Variants in HYDIN observed in about 807,000 individuals in gnomAD.
HYDIN encodes HYDIN axonemal central pair apparatus protein.
A neutral mutation model predicts 403.9 loss-of-function variants in HYDIN; 132 were observed. That is an observed-to-expected ratio of 0.33 (90% CI 0.28 to 0.38). The LOEUF (loss-of-function observed/expected upper bound fraction) is 0.38. HYDIN is among the 10% of genes least tolerant of loss of function. HYDIN has a pLI of 1.00. For missense variants in HYDIN, 2,827 were observed against 5,009.5 expected, an observed-to-expected ratio of 0.56 and a Z score of 13.15; for synonymous variants, 1,202 against 1,891.7, an observed-to-expected ratio of 0.64 and a Z score of 9.46.
At chr16:70,830,447 C>CTTTTT (rs58272927) in intron 80 of HYDIN, among the ~76,000 whole-genome samples, 14 of 126,392 alleles carry the variant, frequency 1.1e-4, no homozygotes, top group African/African-American at 5.1e-4. Context: ...ATGGTAGACA[C>CTTTTT]TTTTTTTTTT....
At chr16:70,948,085 C>T (rs1322114838) in intron 41 of HYDIN, among the ~76,000 whole-genome samples, 8 of 151,628 alleles carry the variant, frequency 5.3e-5, no homozygotes, top group African/African-American at 1.5e-4. Context: ...ACCAAAACAG[C>T]ATGGTACTGG....
Position 70,981,610 on chromosome 16 carries a change from A to G in HYDIN, c.4333-42T>C, listed in dbSNP as rs757700408. On this transcript the variant is annotated intron_variant, in intron 28 of 85. Transcript: ENST00000393567. ...CCAGAAAAGGGAAAACGAATGTGCT[A>G]CAGTACAGGTTCAACTCATTAAATT... 3 of 1,592,350 alleles carry G rather than the reference A, an allele frequency of 1.9e-6. No individual in the cohort carries two copies. In the East Asian group the frequency reaches 6.7e-5, roughly 36 times the overall value.
At chr16:71,114,145 A>C (rs1380893009) in intron 10 of HYDIN, 4 of 151,974 alleles carry the variant, frequency 2.6e-5, no homozygotes, top group Non-Finnish European at 5.9e-5. Context: ...TCTCCCCTTC[A>C]TAAAAAGTAT....
chr16:71,189,527 G>A (rs933637912), intron 1 of HYDIN, among the ~76,000 whole-genome samples: 2 of 152,076 alleles, frequency 1.3e-5, no homozygotes, highest in Non-Finnish European at 2.9e-5. Flanking sequence ...CAGCACTTTG[G>A]GAGGCCGAGG....
chr16:70,953,297 C>T (rs1205258703), intron 40 of HYDIN, among the ~76,000 whole-genome samples: 25 of 152,122 alleles, frequency 1.6e-4, no homozygotes, highest in East Asian at 1.4e-3. Context: ...GCTGGGACTA[C>T]AGTGGGGAAA....
intron 18 of HYDIN, among the ~76,000 whole-genome samples, chr16:71,057,566 G>A (rs956761600): frequency 9.2e-5 from 14 of 151,870 alleles, no homozygotes; most frequent in Non-Finnish European, 1.8e-4. Flanking sequence ...ATAATTTGAC[G>A]GTAGGCAGAG....
At position 71,186,765 on chromosome 16, in the gene HYDIN, C is replaced by T. The variant is rs113448164; in HGVS notation, c.131G>A (p.Arg44Gln). 4.3e-3 allele frequency: 6,976 copies of T among 1,610,892 alleles called. 28 individuals carry two copies. Among genetic ancestry groups the T allele is most frequent in the Non-Finnish European group, 4.8e-3 (5,616 of 1,178,114 alleles). Residue 44 changes from arginine (R) to glutamine (Q), a missense_variant, in exon 2 of 86, where the codon CGA becomes CAA. By Grantham distance (43) the Arg-to-Gln change is conservative. Transcript: ENST00000393567. ...ATTAATTCCCGGATACATTACCATT[C>T]GGTTTACTTCTTCTTCTGTAACCAC... ...PKVVTEEEVNRMLTPSEFLKE... is the reference protein window; with the variant it reads ...PKVVTEEEVNQMLTPSEFLKE...
In HYDIN at chr16:70,809,803, T is replaced by C. The variant is rs2035346018; in HGVS notation, c.14863A>G (p.Arg4955Gly). 1.2e-6 allele frequency: 2 copies of C among 1,614,006 alleles called. No homozygotes were observed. The highest frequency in any genetic ancestry group is 2.7e-5 in the African/African-American group (2 of 75,056). ...LVKFINYTRQ[R>G]TEYYCRTDCT... ...CTCACCCTGCAGTAGTATTCTGTCC[T>C]CTGCCGTGTGTAATTGATGAACTTC... is the stretch of plus-strand genomic sequence containing the variant. Residue 4955 changes from arginine (R) to glycine (G), a missense_variant, in exon 85 of 86, where the codon AGG becomes GGG. Coordinates refer to ENST00000393567, the MANE Select transcript of HYDIN (RefSeq NM_001270974.2).
intron 45 of HYDIN, among the ~76,000 whole-genome samples, chr16:70,927,934 C>T (rs1247971155): frequency 6.7e-6 from 1 of 148,372 alleles, no homozygotes; most frequent in Non-Finnish European, 1.5e-5. Flanking sequence ...AATTTGTTGC[C>T]AAAGAACCTG....
intron 21 of HYDIN, among the ~76,000 whole-genome samples, chr16:71,022,837 T>C (rs1449014613): frequency 2.7e-5 from 4 of 150,760 alleles, no homozygotes; most frequent in East Asian, 1.9e-4. Context: ...ATTCCAAATA[T>C]GTACATATTT....
In HYDIN at chr16:70,828,354, C is replaced by A; in HGVS notation, c.14188G>T (p.Ala4730Ser). The A allele has an allele frequency of 1.0e-6, 1 of 959,552 alleles. No individual in the cohort carries two copies. 59.4% of individuals were successfully genotyped at this position (959,552 alleles called of 1,614,324 possible). ...ACTTCACGATAGATATTGGCTACAG[C>A]TTTGGGGAGCTCAGAAGTCCCATGC... Reference protein sequence around the residue: ...ALHGTSELPKAVANIYREVPC... With the variant: ...ALHGTSELPKSVANIYREVPC... Residue 4730 changes from alanine to serine, a missense_variant, in exon 82 of 86, where the codon GCT becomes TCT. By Grantham distance (99) the Ala-to-Ser change is moderately conservative. Coordinates refer to ENST00000393567, the MANE Select transcript of HYDIN (RefSeq NM_001270974.2).
intron 23 of HYDIN, among the ~76,000 whole-genome samples, chr16:70,994,680 C>T (rs2079471472): frequency 6.7e-6 from 1 of 149,050 alleles, no homozygotes. Flanking sequence ...CCAGGCAATT[C>T]TAATGGGCAG....
At chr16:70,818,204 T>C (rs2035969546) in intron 84 of HYDIN, 138 bp downstream of exon 84, 7 of 596,694 alleles carry the variant, frequency 1.2e-5, no homozygotes, top group South Asian at 6.0e-5. Flanking sequence ...ATGAGGGTGA[T>C]TGTCCCGTCC....
At chr16:71,086,112 A>AT (rs1479268935) in intron 12 of HYDIN, among the ~76,000 whole-genome samples, 3 of 151,858 alleles carry the variant, frequency 2.0e-5, no homozygotes, top group Non-Finnish European at 4.4e-5. Context: ...TTAAATGGAT[A>AT]TTTTCTACCC....
At chr16:71,218,476 A>C (rs1264631125) in intron 1 of HYDIN, among the ~76,000 whole-genome samples, 2 of 152,198 alleles carry the variant, frequency 1.3e-5, no homozygotes, top group Non-Finnish European at 2.9e-5. Context: ...GGAGGAGGAA[A>C]AGCTATTTGC....
At chr16:71,030,357 C>T (rs1254072922) in intron 19 of HYDIN, among the ~76,000 whole-genome samples, 1 of 151,498 alleles carries the variant, frequency 6.6e-6, no homozygotes, top group East Asian at 1.9e-4. Flanking sequence ...GCTCCCAGCC[C>T]AAACCTTATA....
chr16:71,058,618 TTAA>T (rs1160844795), intron 18 of HYDIN, among the ~76,000 whole-genome samples: 4 of 103,052 alleles, frequency 3.9e-5, no homozygotes, highest in South Asian at 5.8e-4. Context: ...ATAAATAAAA[TTAA>T]AAAAAAAAAA....
chr16:70,898,686 C>G (rs1327565410), intron 53 of HYDIN, among the ~76,000 whole-genome samples: 1 of 152,094 alleles, frequency 6.6e-6, no homozygotes, highest in Non-Finnish European at 1.5e-5. Context: ...ATTTTGTGTT[C>G]CTGGAAGCAT....
chr16:70,959,875 G>T, intron 38 of HYDIN, 55 bp from the exon 39 acceptor site: 1 of 569,140 alleles, frequency 1.8e-6, no homozygotes, highest in South Asian at 2.3e-5. Context: ...TACACAGCCG[G>T]AATTTACATG....
Sources: allele counts gnomAD v4.1 joint callset (sites outside exome capture counted in the v4.1 genomes callset), GRCh38; gene constraint gnomAD v4.1.1; transcripts MANE v1.5; gene names NCBI Gene and HGNC (gene_info 2026-07-23, HGNC 2026-07-21).